EDNRA: variants seen among roughly 807,000 people sequenced by gnomAD.
EDNRA encodes the protein endothelin receptor type A.
Under a neutral mutation model 41.4 loss-of-function variants are expected in EDNRA, and 11 were observed. That is an observed-to-expected ratio of 0.27 (90% confidence interval 0.17 to 0.44). The LOEUF (loss-of-function observed/expected upper bound fraction) is 0.44. EDNRA is among the 20% of genes least tolerant of loss of function. The pLI is 1.00. For synonymous variants in EDNRA, 172 were observed against 183.0 expected (o/e 0.94, Z 0.49); for missense variants, 294 against 531.0 (o/e 0.55, Z 4.39).
intron 1 of EDNRA, among the ~76,000 whole-genome samples, chr4:147,483,163 T>C (rs1242148667): frequency 6.6e-6 from 1 of 152,210 alleles, no homozygotes; most frequent in Non-Finnish European, 1.5e-5. Flanking sequence ...TTTGGCCAGA[T>C]ACTCACTCCA....
chr4:147,495,484 C>CAGAT (rs1729272756), intron 2 of EDNRA: 1 of 152,202 alleles, frequency 6.6e-6, no homozygotes, highest in South Asian at 2.1e-4. Context: ...GTAAGTCTTG[C>CAGAT]AGATGGCCTT....
At chr4:147,503,184 A>G (rs1729573262) in intron 2 of EDNRA, among the ~76,000 whole-genome samples, 1 of 152,232 alleles carries the variant, frequency 6.6e-6, no homozygotes, top group African/African-American at 2.4e-5. Flanking sequence ...TGTACAAAAT[A>G]TTTATAGATA....
At chr4:147,533,001 GTGTA>G (rs1730802018) in intron 4 of EDNRA, among the ~76,000 whole-genome samples, 3 of 141,206 alleles carry the variant, frequency 2.1e-5, no homozygotes, top group Admixed American at 2.1e-4. Flanking sequence ...GTGTGTGTGT[GTGTA>G]TGTGTGTGTG....
At chr4:147,524,322 G>GA (rs1238477650) in intron 3 of EDNRA, among the ~76,000 whole-genome samples, 1 of 151,978 alleles carries the variant, frequency 6.6e-6, no homozygotes, top group African/African-American at 2.4e-5. Context: ...TTGAGTCGGG[G>GA]AGATACTGGG....
chr4:147,527,298 C>T (rs1254054417), intron 3 of EDNRA, among the ~76,000 whole-genome samples: 1 of 152,064 alleles, frequency 6.6e-6, no homozygotes, highest in Non-Finnish European at 1.5e-5. Context: ...TTATAGGCGT[C>T]TTATTCACAG....
At chr4:147,536,074 C>G (rs749846484) in intron 5 of EDNRA, 45 bp downstream of exon 5, 1 of 1,607,184 alleles carries the variant, frequency 6.2e-7, no homozygotes, top group Non-Finnish European at 8.5e-7. Context: ...ACTGGTTAGT[C>G]CTTGACAGCA....
chr4:147,493,488 G>C (rs1397901464), intron 2 of EDNRA: 1 of 152,138 alleles, frequency 6.6e-6, no homozygotes, highest in Non-Finnish European at 1.5e-5. Flanking sequence ...TTTGAGACTG[G>C]AGTGGTTAAA....
intron 2 of EDNRA, among the ~76,000 whole-genome samples, chr4:147,502,223 T>A (rs1395286153): frequency 6.6e-6 from 1 of 152,186 alleles, no homozygotes; most frequent in Non-Finnish European, 1.5e-5. Context: ...TTTTTACCCA[T>A]AATGAAGAGG....
At chr4:147,511,808 T>C (rs1317156557) in intron 2 of EDNRA, among the ~76,000 whole-genome samples, 2 of 152,208 alleles carry the variant, frequency 1.3e-5, no homozygotes, top group Admixed American at 6.5e-5. Context: ...TATAAAACTT[T>C]TCCATTAGGT....
At position 147,486,500 on chromosome 4, in the gene EDNRA, C is replaced by T. The variant is rs6841473; in HGVS notation, c.420+399C>T. Among the ~76,000 whole-genome samples, 23,373 of 152,068 alleles carry T rather than the reference C, an allele frequency of 0.15. 1,811 individuals are homozygous for T. Among genetic ancestry groups the T allele is most frequent in the East Asian group, 0.22 (1,158 of 5,170 alleles). ...CAAACATATCCTTGAGTTTAGTTACCGTTGAATATGATGCTGTTCAGAAGC... is the reference window on the plus strand; with the variant it reads ...CAAACATATCCTTGAGTTTAGTTACTGTTGAATATGATGCTGTTCAGAAGC... On this transcript the variant is annotated intron_variant, in intron 2 of 7. Transcript: ENST00000651419. This position sits in a 1 kb window ranked among gnomAD's most constrained non-coding sequence, Gnocchi z 4.3.
rs1289922768 is a variant in EDNRA at position 147,486,956 on chromosome 4, C to T, written c.420+855C>T. Among the ~76,000 whole-genome samples, 2 of 151,574 alleles carry T rather than the reference C, an allele frequency of 1.3e-5. No homozygotes were observed. The highest frequency in any genetic ancestry group is 2.9e-5 in the Non-Finnish European group (2 of 67,942). ...ATAAAGAAAAGAGATTTGATTGGCT[C>T]ACAGCTCTGTAGGCTGTACATGCAT... On this transcript the variant is annotated intron_variant, in intron 2 of 7. Transcript: ENST00000651419. The surrounding 1 kb of genome is among the most constrained non-coding windows in gnomAD (Gnocchi z 4.3).
intron 2 of EDNRA, chr4:147,489,779 G>T (rs1238249729): frequency 6.6e-6 from 1 of 151,934 alleles, no homozygotes; most frequent in Non-Finnish European, 1.5e-5. Context: ...ACATATCCGG[G>T]ACTTTGCTTC....
At chr4:147,483,003 C>T (rs933501669) in intron 1 of EDNRA, among the ~76,000 whole-genome samples, 2 of 152,288 alleles carry the variant, frequency 1.3e-5, no homozygotes, top group East Asian at 1.9e-4. Context: ...AGCTGGAAGA[C>T]GTTAGTCACG....
intron 2 of EDNRA, among the ~76,000 whole-genome samples, chr4:147,505,621 C>T (rs1195886649): frequency 2.0e-5 from 3 of 146,620 alleles, no homozygotes; most frequent in Non-Finnish European, 3.0e-5. Flanking sequence ...TGATTACAGG[C>T]GTAAGCCACC....
rs147791032 is a variant in EDNRA, at chr4:147,483,984, G to T, written c.-70-1628G>T. Among the ~76,000 whole-genome samples the T allele has an allele frequency of 8.1e-3, 1,236 of 152,214 alleles. 11 individuals carry two copies. The highest frequency in any genetic ancestry group is 0.015 in the Non-Finnish European group (1,006 of 68,012). On this transcript the variant is annotated intron_variant, in intron 1 of 7. Coordinates refer to ENST00000651419, the MANE Select transcript of EDNRA (RefSeq NM_001957.4). Reference sequence around the variant, plus strand: ...GATCCTCCTGCTTTGGCCTCCCAAAGTGCTGAGATTATAGACATGAGCCAC... The same window carrying T: ...GATCCTCCTGCTTTGGCCTCCCAAATTGCTGAGATTATAGACATGAGCCAC...
chr4:147,525,169 A>G (rs11938394), intron 3 of EDNRA, among the ~76,000 whole-genome samples: 16,453 of 152,246 alleles, frequency 0.11, 1,013 homozygotes, highest in South Asian at 0.22. Context: ...ATCAATGATT[A>G]CAGAATGATG....
At position 147,540,386 on chromosome 4, in the gene EDNRA, G is replaced by A; in HGVS notation, c.1044G>A (p.Leu348=). ...KNRCELLSFL[L]LMDYIGINLA... ...TTTTCTTTTGCTCTAGTTTCTTACT[G>A]CTCATGGATTACATCGGTATTAACT... The change falls in exon 7 of 8, where the codon CTG becomes CTA. Residue 348 remains leucine, a synonymous_variant. Coordinates refer to ENST00000651419, the MANE Select transcript of EDNRA (RefSeq NM_001957.4). 6.2e-7 allele frequency: 1 copy of A among 1,610,318 alleles called. No homozygotes were observed. Among genetic ancestry groups the A allele is most frequent in the Admixed American group, 1.7e-5 (1 of 59,754 alleles).
chr4:147,497,594 T>C lies in EDNRA; in HGVS notation c.420+11493T>C, dbSNP rs142582264. Among the ~76,000 whole-genome samples, 601 of 151,982 alleles carry C rather than the reference T, an allele frequency of 4.0e-3. 8 individuals carry two copies. Among genetic ancestry groups the C allele is most frequent in the Admixed American group, 0.031 (467 of 15,260 alleles). On this transcript the variant is annotated intron_variant, in intron 2 of 7. Coordinates refer to ENST00000651419, the MANE Select transcript of EDNRA (RefSeq NM_001957.4). ...TTTCTTGGACTTTTTTTTTTTGAGA[T>C]GGAGTCTCGCTCTGTCGCCCAGGCT...
rs746826465 is a variant in EDNRA at position 147,519,973 on chromosome 4, T to G, written c.543T>G (p.Val181=). Residue 181 remains valine (V), a synonymous_variant, in exon 3 of 8, where the codon GTT becomes GTG. Coordinates refer to ENST00000651419, the MANE Select transcript of EDNRA (RefSeq NM_001957.4). This position sits in a 1 kb window ranked among gnomAD's most constrained non-coding sequence, Gnocchi z 4.1. The part of the protein sequence containing the change: ...ITVLNLCALS[V]DRYRAVASWS... ...TCCTCAACCTCTGCGCTCTTAGTGT[T>G]GACAGGTAATGTGGTTCTTTCCCTT... is the stretch of plus-strand genomic sequence containing the variant. The G allele has an allele frequency of 6.2e-7, 1 of 1,609,450 alleles. No individual in the cohort carries two copies. Among genetic ancestry groups the G allele is most frequent in the African/African-American group, 1.3e-5 (1 of 74,658 alleles).
Sources: gnomAD v4.1 joint callset for allele counts (sites outside exome capture counted in the v4.1 genomes callset) on GRCh38, gnomAD v4.1.1 for gene constraint, Gnocchi (gnomAD v3.1) non-coding constraint, MANE v1.5 for transcripts, NCBI Gene and HGNC (gene_info 2026-07-23, HGNC 2026-07-21) for gene names.